Variants in IRAG1 observed in about 807,000 individuals in gnomAD.
IRAG1 encodes the protein IP3R-associated cGMP kinase substrate.
IRAG1 carries 62 observed loss-of-function variants against 106.2 expected under a neutral mutation model. The observed-to-expected ratio is 0.58, with a 90% CI of 0.48 to 0.72. The LOEUF (loss-of-function observed/expected upper bound fraction) is 0.72, where lower values mean the gene tolerates loss of function less well. Among genes scored for constraint, IRAG1 ranks in the 30% least tolerant of loss-of-function variants. The pLI, the probability that IRAG1 is intolerant of heterozygous loss-of-function variation, is 0.00. For synonymous variants in IRAG1, 462 were observed against 443.9 expected, an observed-to-expected ratio of 1.04 and a Z score of -0.51; for missense variants, 1,064 against 1,140.7, an observed-to-expected ratio of 0.93 and a Z score of 0.97.
chr11:10,660,645 C>G (rs1394007194), intron 1 of IRAG1, among the ~76,000 whole-genome samples: 2 of 152,204 alleles, frequency 1.3e-5, no homozygotes, highest in Admixed American at 6.5e-5. Flanking sequence ...CCCAAGATAG[C>G]ACAGTTATGG....
At chr11:10,603,309 G>T in intron 13 of IRAG1, 58 bp from the exon 14 acceptor site, 3 of 1,586,520 alleles carry the variant, frequency 1.9e-6, no homozygotes, top group South Asian at 2.2e-5. Flanking sequence ...GACTAAATCA[G>T]CAGTCCCCAA....
intron 8 of IRAG1, 71 bp from the exon 9 acceptor site, chr11:10,626,654 T>G: frequency 1.3e-6 from 2 of 1,488,222 alleles, no homozygotes; most frequent in Non-Finnish European, 1.8e-6. Context: ...CCACTTCTGC[T>G]GTGGAGTCTC....
At position 10,626,377 on chromosome 11, in the gene IRAG1, G is replaced by C. The variant is rs1290984037; in HGVS notation, c.957C>G (p.Asn319Lys). 2 of 1,613,758 alleles carry C rather than the reference G, an allele frequency of 1.2e-6. No individual in the cohort carries two copies. Among genetic ancestry groups the C allele is most frequent in the Non-Finnish European group, 1.7e-6 (2 of 1,179,870 alleles). ...TCTCCACGGGGCCAGGCTGAGGGCT[G>C]TTCAGGGCCATTTTCCCACTGCTGT... is the stretch of plus-strand genomic sequence containing the variant. Reference protein sequence around the residue: ...VTNSSGKMALNSPQPGPVESE... With the variant: ...VTNSSGKMALKSPQPGPVESE... Residue 319 changes from asparagine to lysine, a missense_variant, in exon 9 of 21, where the codon AAC becomes AAG. Coordinates refer to ENST00000423302, the MANE Select transcript of IRAG1 (RefSeq NM_130385.4).
chr11:10,630,262 T>C (rs1856585960), intron 4 of IRAG1, among the ~76,000 whole-genome samples: 1 of 152,002 alleles, frequency 6.6e-6, no homozygotes, highest in Non-Finnish European at 1.5e-5. Flanking sequence ...CACTTCTCCC[T>C]CTTCCTCCCT....
chr11:10,612,687 G>A (rs1457288482), intron 10 of IRAG1, among the ~76,000 whole-genome samples: 5 of 151,722 alleles, frequency 3.3e-5, no homozygotes, highest in Non-Finnish European at 7.4e-5. Context: ...AAAGGGAAAT[G>A]TGCAAGAGAC....
chr11:10,627,867 C>G, intron 7 of IRAG1, 106 bp downstream of exon 7: 1 of 1,577,126 alleles, frequency 6.3e-7, no homozygotes, highest in East Asian at 2.2e-5. Context: ...TGCCCTCCAC[C>G]CAGCACCCTC....
chr11:10,638,590 T>G (rs1242153285), intron 2 of IRAG1, among the ~76,000 whole-genome samples: 1 of 152,254 alleles, frequency 6.6e-6, no homozygotes, highest in Admixed American at 6.5e-5. Context: ...AGTTGCCTTT[T>G]TCATGTCTGT....
intron 20 of IRAG1, among the ~76,000 whole-genome samples, chr11:10,578,154 G>T (rs1851019068): frequency 6.6e-6 from 1 of 152,164 alleles, no homozygotes; most frequent in Non-Finnish European, 1.5e-5. Flanking sequence ...GCCTATAAAA[G>T]AGTTTAGAAA....
At chr11:10,599,390 G>A (rs1176682954) in intron 15 of IRAG1, among the ~76,000 whole-genome samples, 1 of 152,210 alleles carries the variant, frequency 6.6e-6, no homozygotes, top group Non-Finnish European at 1.5e-5. Context: ...AGGAGGCCTT[G>A]TGCAGCAATA....
At chr11:10,588,203 G>A (rs954156924) in intron 18 of IRAG1, among the ~76,000 whole-genome samples, 3 of 152,146 alleles carry the variant, frequency 2.0e-5, no homozygotes, top group African/African-American at 7.2e-5. Context: ...CATTGTCATC[G>A]TTATCATTAT....
chr11:10,671,660 C>T (rs1397442982), intron 1 of IRAG1, among the ~76,000 whole-genome samples: 1 of 152,064 alleles, frequency 6.6e-6, no homozygotes, highest in East Asian at 1.9e-4. Context: ...TTCAGTGAGC[C>T]AAGATCACAC....
intron 18 of IRAG1, among the ~76,000 whole-genome samples, chr11:10,584,481 A>G (rs1339340200): frequency 2.0e-5 from 3 of 150,482 alleles, no homozygotes; most frequent in African/African-American, 7.3e-5. Context: ...CTATTTATCC[A>G]AACGACTGGA....
chr11:10,686,039 C>T (rs903121051), intron 1 of IRAG1, among the ~76,000 whole-genome samples: 15 of 152,170 alleles, frequency 9.9e-5, no homozygotes, highest in African/African-American at 3.6e-4. Flanking sequence ...TACATTCTTT[C>T]TACCATACCC....
In IRAG1 at chr11:10,626,714, G is replaced by C. The variant is rs1591632320; in HGVS notation, c.751-131C>G. The stretch of plus-strand genomic sequence containing the variant: ...GCCCATTTGTATAAGTGTGTATGGG[G>C]TATGAGTGGACGATGTGGAAGGAGA... On this transcript the variant is annotated intron_variant, in intron 8 of 20. Transcript: ENST00000423302. 4.6e-6 allele frequency: 5 copies of C among 1,080,948 alleles called. No homozygotes were observed. The East Asian group carries it at 8.0e-5, about 17-fold the overall frequency. 67.0% of individuals were successfully genotyped at this position (1,080,948 alleles called of 1,614,324 possible).
chr11:10,693,347 T>C (rs1014117811), intron 1 of IRAG1, 189 bp downstream of exon 1: 18 of 1,181,770 alleles, frequency 1.5e-5, no homozygotes, highest in Non-Finnish European at 2.0e-5. Context: ...CAAGATTCAC[T>C]TCTGATTTAA....
chr11:10,663,421 A>G (rs1859549155), intron 1 of IRAG1, among the ~76,000 whole-genome samples: 1 of 152,186 alleles, frequency 6.6e-6, no homozygotes, highest in Non-Finnish European at 1.5e-5. Flanking sequence ...GGTTTGGGAA[A>G]GTCAGAAGGA....
At chr11:10,644,144 A>G (rs114739222) in intron 2 of IRAG1, among the ~76,000 whole-genome samples, 2,418 of 152,336 alleles carry the variant, frequency 0.016, 66 homozygotes, top group African/African-American at 0.055. Context: ...AGCTAGGGCC[A>G]GGAAAGGAAG....
intron 15 of IRAG1, among the ~76,000 whole-genome samples, chr11:10,596,339 T>C (rs1853307749): frequency 6.6e-6 from 1 of 152,254 alleles, no homozygotes; most frequent in African/African-American, 2.4e-5. Flanking sequence ...AGTTATTTTC[T>C]CTTAGTTCTT....
chr11:10,579,085 T>A (rs561898608), intron 20 of IRAG1, among the ~76,000 whole-genome samples: 2 of 152,252 alleles, frequency 1.3e-5, no homozygotes, highest in African/African-American at 4.8e-5. Context: ...GGATTGCACT[T>A]TAATTGTTAA....
Sources: allele counts gnomAD v4.1 joint callset (sites outside exome capture counted in the v4.1 genomes callset), GRCh38; gene constraint gnomAD v4.1.1; transcripts MANE v1.5; gene names NCBI Gene and HGNC (gene_info 2026-07-23, HGNC 2026-07-21).